Variants in SPAG1 observed in about 807,000 individuals in gnomAD.
SPAG1 encodes sperm associated antigen 1.
In SPAG1, 69 loss-of-function variants were observed where a neutral mutation model predicts 100.5. The observed-to-expected ratio is 0.69, with a 90% confidence interval of 0.57 to 0.84. SPAG1 has a LOEUF of 0.84. Ranked by LOEUF, SPAG1 falls within the 40% of genes least tolerant of loss-of-function variation. The probability of loss-of-function intolerance (pLI) is 0.00; values close to 1 mark genes in which losing one functional copy is unlikely to be tolerated. For missense variants in SPAG1, 955 were observed against 1,133.1 expected, an observed-to-expected ratio of 0.84 and a Z score of 2.26; for synonymous variants, 336 against 411.6, an observed-to-expected ratio of 0.82 and a Z score of 2.22.
At chr8:100,196,468 G>A (rs1396666556) in intron 10 of SPAG1, among the ~76,000 whole-genome samples, 1 of 152,136 alleles carries the variant, frequency 6.6e-6, no homozygotes, top group Non-Finnish European at 1.5e-5. Flanking sequence ...TTCCTGATGA[G>A]AATCTTTTTA....
At chr8:100,189,000 G>A (rs928778585) in intron 8 of SPAG1, among the ~76,000 whole-genome samples, 5 of 152,148 alleles carry the variant, frequency 3.3e-5, no homozygotes, top group African/African-American at 7.2e-5. Flanking sequence ...GCCAGGCCCC[G>A]TGCCAAGCAC....
intron 14 of SPAG1, among the ~76,000 whole-genome samples, chr8:100,230,860 A>T (rs368340105): frequency 5.9e-5 from 9 of 152,146 alleles, no homozygotes; most frequent in African/African-American, 1.7e-4. Flanking sequence ...ACCTCAGGTG[A>T]TCCGCCCGCC....
intron 16 of SPAG1, among the ~76,000 whole-genome samples, chr8:100,235,215 ATCT>A (rs1018782328): frequency 1.3e-5 from 2 of 152,082 alleles, no homozygotes; most frequent in East Asian, 1.9e-4. Flanking sequence ...GTGTGCCCAA[ATCT>A]TCTCTTTTTA....
intron 1 of SPAG1, among the ~76,000 whole-genome samples, chr8:100,161,959 C>G (rs558853273): frequency 6.6e-6 from 1 of 152,266 alleles, no homozygotes; most frequent in African/African-American, 2.4e-5. Flanking sequence ...AAGTAAATAA[C>G]GTCTTCCTCC....
chr8:100,226,896 A>G (rs1033340543), intron 14 of SPAG1, among the ~76,000 whole-genome samples: 9 of 152,202 alleles, frequency 5.9e-5, no homozygotes, highest in African/African-American at 2.2e-4. Context: ...TATATACTGT[A>G]ACTTTACTGT....
Position 100,165,178 on chromosome 8 carries a change from A to G in SPAG1, c.141-636A>G, listed in dbSNP as rs983681087. On this transcript the variant is annotated intron_variant, in intron 2 of 18. Coordinates refer to ENST00000388798, the MANE Select transcript of SPAG1 (RefSeq NM_003114.5). Reference sequence around the variant, plus strand: ...AATTTTACAGCAACAAAAAATACCAATATTTATTCTGAAAGGTAATTGTAT... The same window carrying G: ...AATTTTACAGCAACAAAAAATACCAGTATTTATTCTGAAAGGTAATTGTAT... 6.0e-5 allele frequency: 27 copies of G among 450,310 alleles called. No homozygotes were observed. The Admixed American group carries it at 6.3e-4, about 11-fold the overall frequency. The allele number at this position is 450,310 out of a possible 1,614,324, so 27.9% of individuals were successfully genotyped here.
In SPAG1 at chr8:100,183,899, A is replaced by C. The variant is rs560331781; in HGVS notation, c.489-57A>C. On this transcript the variant is annotated intron_variant, in intron 5 of 18. Coordinates refer to ENST00000388798, the MANE Select transcript of SPAG1 (RefSeq NM_003114.5). ...TACAAATATAAGAATATCAATGATA[A>C]ATTTATTTTCTTGCCTGTATTGTAC... The C allele has an allele frequency of 1.4e-4, 115 of 798,834 alleles. No individual in the cohort carries two copies. The South Asian group carries it at 1.9e-3, about 13-fold the overall frequency. The allele number at this position is 798,834 out of a possible 1,614,324, so 49.5% of individuals were successfully genotyped here.
At chr8:100,173,733 A>G (rs1434186631) in intron 3 of SPAG1, among the ~76,000 whole-genome samples, 2 of 152,356 alleles carry the variant, frequency 1.3e-5, no homozygotes, top group African/African-American at 4.8e-5. Flanking sequence ...GTATAAGAAG[A>G]GAGACTAACA....
At chr8:100,215,320 A>G (rs1018155864) in intron 12 of SPAG1, among the ~76,000 whole-genome samples, 3 of 151,996 alleles carry the variant, frequency 2.0e-5, no homozygotes, top group Non-Finnish European at 4.4e-5. Context: ...GTTTTCCACC[A>G]TGAAGTAATA....
intron 3 of SPAG1, among the ~76,000 whole-genome samples, chr8:100,168,702 G>A (rs367852538): frequency 5.6e-5 from 3 of 53,648 alleles, no homozygotes; most frequent in African/African-American, 2.5e-4. Context: ...TTTTTTTGTT[G>A]TTGAGACAGA....
chr8:100,159,619 A>G (rs944797655), intron 1 of SPAG1, among the ~76,000 whole-genome samples: 4 of 152,228 alleles, frequency 2.6e-5, no homozygotes, highest in African/African-American at 9.6e-5. Context: ...TTTACTTTGT[A>G]ACCTCGTGCA....
At chr8:100,214,995 A>G (rs1817904685) in intron 12 of SPAG1, among the ~76,000 whole-genome samples, 1 of 610 alleles carries the variant, frequency 1.6e-3, no homozygotes, top group Non-Finnish European at 3.6e-3. Flanking sequence ...ACTCATATAT[A>G]TATATATATA....
rs1339040197 is a variant in SPAG1, at chr8:100,185,653, T to C, written c.701+920T>C. ...CAGCCTATGAAAAGTAGACTAAGTT[T>C]TTAAAATGTTGTTACAGATAAACTG... On this transcript the variant is annotated intron_variant, in intron 7 of 18. Transcript: ENST00000388798. Among the ~76,000 whole-genome samples the C allele has an allele frequency of 2.0e-5, 3 of 152,348 alleles. No individual in the cohort carries two copies. The East Asian group carries it at 5.8e-4, about 29-fold the overall frequency.
rs762036132 is a variant in SPAG1, at chr8:100,194,188, T to A, written c.1016T>A (p.Met339Lys). 3.7e-6 allele frequency: 6 copies of A among 1,612,064 alleles called. No individual in the cohort carries two copies. In the South Asian group the frequency reaches 6.6e-5, roughly 18 times the overall value. The change falls in exon 10 of 19, where the codon ATG becomes AAG. Residue 339 changes from methionine (M) to lysine (K), a missense_variant. By Grantham distance (95) the Met-to-Lys change is moderately conservative. Transcript: ENST00000388798. ...GAGACTCAAACCAAAGGGAAAAGGATGGTTATTCAGGAAATAGAAAACTCC... is the reference window on the plus strand; with the variant it reads ...GAGACTCAAACCAAAGGGAAAAGGAAGGTTATTCAGGAAATAGAAAACTCC... ...ASETQTKGKRMVIQEIENSED... is the reference protein window; with the variant it reads ...ASETQTKGKRKVIQEIENSED...
At chr8:100,160,032 A>G (rs1172049909) in intron 1 of SPAG1, among the ~76,000 whole-genome samples, 1 of 152,244 alleles carries the variant, frequency 6.6e-6, no homozygotes, top group Non-Finnish European at 1.5e-5. Context: ...TACCCGGTAC[A>G]GTAATTGAGG....
Position 100,231,497 on chromosome 8 carries a change from C to T in SPAG1, c.1988+209C>T, listed in dbSNP as rs117367516. Among the ~76,000 whole-genome samples, 2,017 of 152,010 alleles carry T rather than the reference C, an allele frequency of 0.013. 20 individuals carry two copies. The highest frequency in any genetic ancestry group is 0.048 in the South Asian group (231 of 4,778). ...AGAGACTGGAAGCCTGAGGTGTGGG[C>T]GGGATGGGAGGTCTGACATAGTTTG... On this transcript the variant is annotated intron_variant, in intron 15 of 18. Coordinates refer to ENST00000388798, the MANE Select transcript of SPAG1 (RefSeq NM_003114.5).
At chr8:100,168,687 C>CTGTTTTTTTTTTTTTTTT (rs1815676549) in intron 3 of SPAG1, among the ~76,000 whole-genome samples, 1 of 95,690 alleles carries the variant, frequency 1.0e-5, no homozygotes, top group Non-Finnish European at 2.0e-5. Flanking sequence ...GCCCAGCCAT[C>CTGTTTTTTTTTTTTTTTT]TTTTTTTTTT....
intron 3 of SPAG1, among the ~76,000 whole-genome samples, chr8:100,166,953 C>G (rs1815588112): frequency 6.6e-6 from 1 of 152,034 alleles, no homozygotes; most frequent in Non-Finnish European, 1.5e-5. Flanking sequence ...ATTGTTTGAT[C>G]AAAGGATTTG....
chr8:100,177,769 G>T (rs1417833872), intron 3 of SPAG1, 47 bp from the exon 4 acceptor site: 1 of 1,156,524 alleles, frequency 8.6e-7, no homozygotes, highest in South Asian at 1.5e-5. Flanking sequence ...CTTATGCTTG[G>T]TTATAATTAT....
Sources: gnomAD v4.1 joint callset for allele counts (sites outside exome capture counted in the v4.1 genomes callset) on GRCh38, gnomAD v4.1.1 for gene constraint, MANE v1.5 for transcripts, NCBI Gene and HGNC (gene_info 2026-07-23, HGNC 2026-07-21) for gene names.